NELL2: variants seen among roughly 807,000 people sequenced by gnomAD.
NELL2 encodes the protein protein kinase C-binding protein NELL2.
A neutral mutation model predicts 109.6 loss-of-function variants in NELL2; 41 were observed. That is an observed-to-expected ratio of 0.37 (90% confidence interval 0.29 to 0.49). NELL2 has a LOEUF of 0.49. NELL2 is among the 20% of genes least tolerant of loss of function. The pLI is 0.98. For missense variants in NELL2, 900 were observed against 1,008.3 expected (o/e 0.89, Z 1.45); for synonymous variants, 355 against 344.7 (o/e 1.03, Z -0.33).
chr12:44,673,106 T>C (rs1173216056), intron 12 of NELL2, among the ~76,000 whole-genome samples: 1 of 152,188 alleles, frequency 6.6e-6, no homozygotes, highest in African/African-American at 2.4e-5. Context: ...ACCATAACTC[T>C]GTAGATCTAA....
At chr12:44,830,346 C>T (rs1025134836) in intron 2 of NELL2, among the ~76,000 whole-genome samples, 7 of 152,174 alleles carry the variant, frequency 4.6e-5, no homozygotes, top group African/African-American at 1.7e-4. Context: ...TGACCTGAAA[C>T]ATCAATTTGG....
At chr12:44,777,962 T>G (rs934644811) in intron 5 of NELL2, among the ~76,000 whole-genome samples, 6 of 152,210 alleles carry the variant, frequency 3.9e-5, no homozygotes, top group African/African-American at 1.4e-4. Context: ...AAAATTTACA[T>G]GCATACTTAG....
At position 44,790,177 on chromosome 12, in the gene NELL2, G is replaced by C. The variant is rs532718118; in HGVS notation, c.336-10155C>G. On this transcript the variant is annotated intron_variant, in intron 3 of 19. Transcript: ENST00000429094. ...TCATCGCCTAGGCACATTATCATCA[G>C]GTTATCTAAAGTTAAGATGAAGGAA... Among the ~76,000 whole-genome samples the C allele has an allele frequency of 2.0e-5, 3 of 152,200 alleles. No individual in the cohort carries two copies. The East Asian group carries it at 5.8e-4, about 29-fold the overall frequency.
chr12:44,751,050 T>C (rs1940628245), intron 9 of NELL2, among the ~76,000 whole-genome samples: 1 of 152,044 alleles, frequency 6.6e-6, no homozygotes, highest in Admixed American at 6.6e-5. Context: ...ACACAGAAGA[T>C]TAAATTACCA....
At chr12:44,609,955 T>C (rs1435039648) in intron 14 of NELL2, among the ~76,000 whole-genome samples, 1 of 151,976 alleles carries the variant, frequency 6.6e-6, no homozygotes, top group Non-Finnish European at 1.5e-5. Context: ...ATAAGGGATG[T>C]AAATGTTATA....
intron 9 of NELL2, among the ~76,000 whole-genome samples, chr12:44,760,461 G>A (rs1009995021): frequency 2.0e-5 from 3 of 152,056 alleles, no homozygotes; most frequent in Admixed American, 6.6e-5. Flanking sequence ...TTAAAAAGAC[G>A]AGTGATGGTA....
chr12:44,571,076 A>G (rs1464306717), intron 15 of NELL2, among the ~76,000 whole-genome samples: 4 of 152,142 alleles, frequency 2.6e-5, no homozygotes, highest in Non-Finnish European at 5.9e-5. Flanking sequence ...TAAGAGAAAA[A>G]AGGCAGGTAG....
intron 2 of NELL2, among the ~76,000 whole-genome samples, chr12:44,856,043 T>C (rs1402803101): frequency 6.6e-6 from 1 of 152,202 alleles, no homozygotes; most frequent in African/African-American, 2.4e-5. Flanking sequence ...ATGGGCTCAA[T>C]TCAGTGCCAC....
At chr12:44,599,545 C>A (rs1945117229) in intron 15 of NELL2, among the ~76,000 whole-genome samples, 1 of 151,858 alleles carries the variant, frequency 6.6e-6, no homozygotes, top group Non-Finnish European at 1.5e-5. Context: ...AGGCACAACA[C>A]TGAGAGATAA....
At chr12:44,709,858 T>A (rs981517226) in intron 11 of NELL2, among the ~76,000 whole-genome samples, 2 of 152,210 alleles carry the variant, frequency 1.3e-5, no homozygotes, top group African/African-American at 4.8e-5. Flanking sequence ...GAGGACTGAA[T>A]CCAAAGAGCA....
rs562366824 is a variant in NELL2, at chr12:44,744,539, T to C, written c.995-29798A>G. ...TGGTTTTTTGAAAAGATCAACAAAA[T>C]TGATAGACTGCTAGCAAGACTAATA... On this transcript the variant is annotated intron_variant, in intron 9 of 19. Coordinates refer to ENST00000429094, the MANE Select transcript of NELL2 (RefSeq NM_001145108.2). Among the ~76,000 whole-genome samples, 348 of 151,966 alleles carry C rather than the reference T, an allele frequency of 2.3e-3. 5 individuals are homozygous for C. The highest frequency in any genetic ancestry group is 0.02 in the Admixed American group (310 of 15,266).
At chr12:44,901,178 GA>G (rs895195169) in intron 1 of NELL2, among the ~76,000 whole-genome samples, 3 of 151,968 alleles carry the variant, frequency 2.0e-5, no homozygotes, top group African/African-American at 7.3e-5. Context: ...AGAAAAGAGA[GA>G]AGAATCAAAT....
In NELL2 at chr12:44,589,444, A is replaced by AGTGCAATGAC. The variant is rs369163449; in HGVS notation, c.1663+17724_1663+17725insGTCATTGCAC. ...AGTCTGGCTCTGTCATCCAGGCTGG[A>AGTGCAATGAC]GTGATCTCAGTTCACTGCAACCTCC... On this transcript the variant is annotated intron_variant, in intron 15 of 19. Transcript: ENST00000429094. 8.4e-3 allele frequency among the ~76,000 whole-genome samples: 1,272 copies of AGTGCAATGAC among 151,930 alleles called. 13 individuals are homozygous for AGTGCAATGAC. Among genetic ancestry groups the AGTGCAATGAC allele is most frequent in the African/African-American group, 0.029 (1,192 of 41,452 alleles).
intron 9 of NELL2, among the ~76,000 whole-genome samples, chr12:44,758,062 A>ACC (rs774187514): frequency 2.7e-5 from 4 of 148,882 alleles, no homozygotes; most frequent in Admixed American, 1.3e-4. Flanking sequence ...ACACACACAC[A>ACC]CTCCCCCGCC....
intron 15 of NELL2, among the ~76,000 whole-genome samples, chr12:44,548,393 A>C (rs1787842897): frequency 6.6e-6 from 1 of 152,132 alleles, no homozygotes; most frequent in South Asian, 2.1e-4. Context: ...AGAAAAAAAA[A>C]CATTAGCTGG....
chr12:44,587,284 A>AAAAAAAT lies in NELL2; in HGVS notation c.1663+19884_1663+19885insATTTTTT. 3.5e-3 allele frequency among the ~76,000 whole-genome samples: 250 copies of AAAAAAAT among 72,140 alleles called. 1 individual carries two copies. The highest frequency in any genetic ancestry group is 9.3e-3 in the Middle Eastern group (1 of 108). The allele number at this position is 72,140 out of a possible 152,430, so 47.3% of individuals were successfully genotyped here. On this transcript the variant is annotated intron_variant, in intron 15 of 19. Transcript: ENST00000429094. ...AAGACTCCGTCTCAAAAAAAAAAAA[A>AAAAAAAT]ATATATATATATATATATATATATT...
rs367871683 is a variant in NELL2, at chr12:44,525,128, A to G, written c.1805-1644T>C. Among the ~76,000 whole-genome samples the G allele has an allele frequency of 7.4e-4, 112 of 152,340 alleles. 3 individuals carry two copies. In the South Asian group the frequency reaches 0.023, roughly 31 times the overall value. On this transcript the variant is annotated intron_variant, in intron 16 of 19. Coordinates refer to ENST00000429094, the MANE Select transcript of NELL2 (RefSeq NM_001145108.2). Reference sequence around the variant, plus strand: ...CTACATAGCCTTTTTATGGTCTACTATAAGGACATTATTCCATGAATGGCA... The same window carrying G: ...CTACATAGCCTTTTTATGGTCTACTGTAAGGACATTATTCCATGAATGGCA...
intron 9 of NELL2, among the ~76,000 whole-genome samples, chr12:44,734,363 T>A (rs1222448459): frequency 6.6e-6 from 1 of 152,026 alleles, no homozygotes; most frequent in East Asian, 1.9e-4. Context: ...ATATTTTAAA[T>A]GGGTATCTTT....
At chr12:44,891,277 C>T (rs1452236528) in intron 1 of NELL2, among the ~76,000 whole-genome samples, 1 of 152,158 alleles carries the variant, frequency 6.6e-6, no homozygotes, top group Non-Finnish European at 1.5e-5. Flanking sequence ...TAGACTGGCA[C>T]CCAGAAGAGA....
Sources: allele counts gnomAD v4.1 joint callset (sites outside exome capture counted in the v4.1 genomes callset), GRCh38; gene constraint gnomAD v4.1.1; transcripts MANE v1.5; gene names NCBI Gene and HGNC (gene_info 2026-07-23, HGNC 2026-07-21).